Variants in CAMTA1 observed in about 807,000 individuals in gnomAD.
CAMTA1 encodes calmodulin-binding transcription activator 1.
Under a neutral mutation model 170.9 loss-of-function variants are expected in CAMTA1, and 27 were observed. The ratio of observed to expected loss-of-function variants is 0.16; its 90% CI spans 0.12 to 0.22. The LOEUF (loss-of-function observed/expected upper bound fraction) is 0.22, where lower values mean the gene tolerates loss of function less well. Ranked by LOEUF, CAMTA1 falls within the 10% of genes least tolerant of loss-of-function variation. The pLI, the probability that CAMTA1 is intolerant of heterozygous loss-of-function variation, is 1.00. For synonymous variants in CAMTA1, 833 were observed against 891.5 expected (o/e 0.93, Z 1.17); for missense variants, 1,619 against 2,217.2 (o/e 0.73, Z 5.42).
At chr1:6,886,038 T>C (rs753414882) in intron 3 of CAMTA1, among the ~76,000 whole-genome samples, 5 of 152,196 alleles carry the variant, frequency 3.3e-5, no homozygotes, top group Non-Finnish European at 5.9e-5. Context: ...TTGGTGTCTT[T>C]ACTCCACTCA....
At chr1:6,785,729 G>A (rs906690672) in intron 1 of CAMTA1, among the ~76,000 whole-genome samples, 154 bp downstream of exon 1, 1 of 138,132 alleles carries the variant, frequency 7.2e-6, no homozygotes, top group African/African-American at 2.6e-5. Context: ...GGCCGGCGGG[G>A]TGGGGGGGCG....
intron 6 of CAMTA1, among the ~76,000 whole-genome samples, chr1:7,622,378 A>C (rs1430165654): frequency 2.6e-5 from 4 of 152,316 alleles, no homozygotes; most frequent in East Asian, 3.9e-4. Flanking sequence ...TCCACTCCAC[A>C]TCCAAGTTCT....
chr1:7,021,199 T>C (rs1304749627), intron 3 of CAMTA1, among the ~76,000 whole-genome samples: 2 of 152,188 alleles, frequency 1.3e-5, no homozygotes, highest in Non-Finnish European at 2.9e-5. Context: ...ATGGGTGGCT[T>C]CTGAACGTGG....
rs535061476 is a variant in CAMTA1 at position 7,225,311 on chromosome 1, C to T, written c.303-24180C>T. ...GTGTTAGCCAGGATGGTCTCGATCT[C>T]CTGACCTCGTGATCCGCCTGCCTCG... On this transcript the variant is annotated intron_variant, in intron 4 of 22. Transcript: ENST00000303635. Among the ~76,000 whole-genome samples, 360 of 152,264 alleles carry T rather than the reference C, an allele frequency of 2.4e-3. 1 individual carries two copies. Among genetic ancestry groups the T allele is most frequent in the Non-Finnish European group, 3.5e-3 (239 of 68,024 alleles).
intron 4 of CAMTA1, among the ~76,000 whole-genome samples, chr1:7,229,958 G>A (rs1411870281): frequency 2.0e-5 from 3 of 152,120 alleles, no homozygotes; most frequent in Non-Finnish European, 2.9e-5. Context: ...TTGAGAGGCC[G>A]GTTGGGCTGA....
At chr1:6,981,900 TA>T (rs1444704867) in intron 3 of CAMTA1, among the ~76,000 whole-genome samples, 9 of 152,042 alleles carry the variant, frequency 5.9e-5, no homozygotes, top group Non-Finnish European at 1.0e-4. Flanking sequence ...CACTAATTTT[TA>T]AATTGTTTTG....
chr1:7,171,248 T>C (rs960231392), intron 4 of CAMTA1, among the ~76,000 whole-genome samples: 1 of 152,224 alleles, frequency 6.6e-6, no homozygotes, highest in African/African-American at 2.4e-5. Context: ...ATCATTTCCA[T>C]CAGCAGTGAG....
intron 5 of CAMTA1, among the ~76,000 whole-genome samples, chr1:7,451,868 C>T (rs543468795): frequency 2.6e-5 from 4 of 152,294 alleles, no homozygotes; most frequent in East Asian, 1.9e-4. Context: ...TCTGCTGGGC[C>T]GCGTGTGCAG....
intron 5 of CAMTA1, among the ~76,000 whole-genome samples, chr1:7,387,657 A>T (rs79078557): frequency 1.2e-4 from 18 of 152,162 alleles, no homozygotes; most frequent in Non-Finnish European, 1.9e-4. Flanking sequence ...ACAGAGAAAA[A>T]GCTGCAAAAC....
intron 6 of CAMTA1, among the ~76,000 whole-genome samples, chr1:7,471,535 C>G (rs118056643): frequency 7.2e-5 from 11 of 152,338 alleles, no homozygotes; most frequent in African/African-American, 2.4e-4. Context: ...GCTGACAGGG[C>G]CTTCAGGCTC....
Position 7,621,748 on chromosome 1 carries a change from C to T in CAMTA1, c.511-18652C>T, listed in dbSNP as rs74502197. Among the ~76,000 whole-genome samples the T allele has an allele frequency of 2.5e-3, 386 of 152,270 alleles. 1 individual carries two copies. Among genetic ancestry groups the T allele is most frequent in the African/African-American group, 8.9e-3 (371 of 41,560 alleles). On this transcript the variant is annotated intron_variant, in intron 6 of 22. Transcript: ENST00000303635. ...AAGTTTCCTGGAAGAGGGATGGAGA[C>T]GTCTGTGCAATCCCGAGCAGGTCGG...
At chr1:6,866,593 G>T (rs1666643413) in intron 3 of CAMTA1, among the ~76,000 whole-genome samples, 1 of 152,134 alleles carries the variant, frequency 6.6e-6, no homozygotes, top group Admixed American at 6.5e-5. Flanking sequence ...AAATGAGTGG[G>T]TCTAGACTAT....
intron 6 of CAMTA1, among the ~76,000 whole-genome samples, chr1:7,492,994 C>T (rs964231542): frequency 2.7e-5 from 4 of 150,688 alleles, no homozygotes; most frequent in South Asian, 2.1e-4. Context: ...CATACAAACG[C>T]GCACACAAAC....
intron 3 of CAMTA1, among the ~76,000 whole-genome samples, chr1:6,827,188 C>T (rs555934933): frequency 5.3e-5 from 8 of 152,268 alleles, no homozygotes; most frequent in South Asian, 2.1e-4. Flanking sequence ...GATGGGAAAA[C>T]GTGGATTGTT....
intron 7 of CAMTA1, among the ~76,000 whole-genome samples, chr1:7,652,518 C>G (rs1451750253): frequency 6.6e-6 from 1 of 152,158 alleles, no homozygotes; most frequent in Non-Finnish European, 1.5e-5. Context: ...AAGGCCCCAG[C>G]CAGCAAGGCC....
chr1:7,051,071 T>C (rs562204341), intron 3 of CAMTA1, among the ~76,000 whole-genome samples: 3 of 152,226 alleles, frequency 2.0e-5, no homozygotes, highest in South Asian at 4.2e-4. Flanking sequence ...GGTGAGGCGC[T>C]GCGGCAAGGT....
At position 6,971,622 on chromosome 1, in the gene CAMTA1, C is replaced by G. The variant is rs1692550719; in HGVS notation, c.235-119682C>G. Among the ~76,000 whole-genome samples the G allele has an allele frequency of 6.6e-6, 1 of 152,134 alleles. No homozygotes were observed. The highest frequency in any genetic ancestry group is 2.4e-5 in the African/African-American group (1 of 41,406). On this transcript the variant is annotated intron_variant, in intron 3 of 22. Transcript: ENST00000303635. This position sits in a 1 kb window ranked among gnomAD's most constrained non-coding sequence, Gnocchi z 4.6. ...TTTTATTAAAAGGCATTTAATGACTCTGAATTCCTTGTTGTGTTAGAGCTG... is the reference window on the plus strand; with the variant it reads ...TTTTATTAAAAGGCATTTAATGACTGTGAATTCCTTGTTGTGTTAGAGCTG...
At chr1:6,955,369 G>T (rs1689274802) in intron 3 of CAMTA1, among the ~76,000 whole-genome samples, 1 of 152,194 alleles carries the variant, frequency 6.6e-6, no homozygotes, top group South Asian at 2.1e-4. Context: ...GGCTGCAGTG[G>T]GTCAGAGTGA....
chr1:6,918,447 T>TAG lies in CAMTA1; in HGVS notation c.234+93239_234+93240dup, dbSNP rs1681299415. 6.6e-6 allele frequency among the ~76,000 whole-genome samples: 1 copy of TAG among 152,164 alleles called. No homozygotes were observed. The highest frequency in any genetic ancestry group is 2.4e-5 in the African/African-American group (1 of 41,436). On this transcript the variant is annotated intron_variant, in intron 3 of 22. Transcript: ENST00000303635. The surrounding 1 kb of genome is among the most constrained non-coding windows in gnomAD (Gnocchi z 4.0). The stretch of plus-strand genomic sequence containing the variant: ...TTACATCATTAATCATTGGCAGTAA[T>TAG]AGAAAAGTCATTGGAATAGAATGTT...
Sources: gnomAD v4.1 joint callset for allele counts (sites outside exome capture counted in the v4.1 genomes callset) on GRCh38, gnomAD v4.1.1 for gene constraint, Gnocchi (gnomAD v3.1) non-coding constraint, MANE v1.5 for transcripts, NCBI Gene and HGNC (gene_info 2026-07-23, HGNC 2026-07-21) for gene names.